The following ZC3H3 variants were observed in gnomAD, a reference collection of about 807,000 sequenced individuals.
ZC3H3 encodes the protein zinc finger CCCH-type containing 3.
Under a neutral mutation model 77.3 loss-of-function variants are expected in ZC3H3, and 36 were observed. That is an observed-to-expected ratio of 0.47 (90% CI 0.36 to 0.61). The LOEUF is 0.61. Among genes scored for constraint, ZC3H3 ranks in the 20% least tolerant of loss-of-function variants. The probability of loss-of-function intolerance (pLI) is 0.00; values close to 1 mark genes in which losing one functional copy is unlikely to be tolerated. For missense variants in ZC3H3, 1,331 were observed against 1,312.2 expected (o/e 1.01, Z -0.22); for synonymous variants, 626 against 555.2 (o/e 1.13, Z -1.79).
At chr8:143,479,253 G>A (rs1025377400) in intron 4 of ZC3H3, among the ~76,000 whole-genome samples, 1 of 152,228 alleles carries the variant, frequency 6.6e-6, no homozygotes, top group Non-Finnish European at 1.5e-5. Flanking sequence ...AGGGTGCTGG[G>A]AGGGCATGGG....
intron 4 of ZC3H3, 113 bp downstream of exon 4, chr8:143,507,633 T>C: frequency 7.8e-7 from 1 of 1,284,492 alleles, no homozygotes; most frequent in East Asian, 2.9e-5. Context: ...CACCAAGCAG[T>C]TCTGGGATGT....
intron 4 of ZC3H3, among the ~76,000 whole-genome samples, chr8:143,497,845 C>T (rs544431763): frequency 6.6e-6 from 1 of 152,346 alleles, no homozygotes; most frequent in South Asian, 2.1e-4. Flanking sequence ...CAGGTCTCTG[C>T]ACTCGAACAC....
chr8:143,459,010 A>G (rs1820190634), intron 9 of ZC3H3, among the ~76,000 whole-genome samples: 1 of 152,234 alleles, frequency 6.6e-6, no homozygotes, highest in African/African-American at 2.4e-5. Context: ...AGAAAAGCAC[A>G]GGACCAGACG....
At chr8:143,444,527 T>C (rs1308781052) in intron 9 of ZC3H3, among the ~76,000 whole-genome samples, 2 of 152,196 alleles carry the variant, frequency 1.3e-5, no homozygotes, top group Non-Finnish European at 2.9e-5. Context: ...AAGGACCAAG[T>C]TAGATTTATC....
At chr8:143,499,985 G>C (rs777446583) in intron 4 of ZC3H3, among the ~76,000 whole-genome samples, 1 of 152,022 alleles carries the variant, frequency 6.6e-6, no homozygotes, top group Non-Finnish European at 1.5e-5. Context: ...CCCCCCACCA[G>C]AGCAGCGGCC....
chr8:143,484,746 G>A (rs1454417518), intron 4 of ZC3H3: 1 of 340,294 alleles, frequency 2.9e-6, no homozygotes, highest in Non-Finnish European at 5.8e-6. Context: ...GCTACTGAGG[G>A]GCAGGCTGGC....
chr8:143,486,985 G>A (rs13265748), intron 4 of ZC3H3, among the ~76,000 whole-genome samples: 356 of 7,048 alleles, frequency 0.051, 44 homozygotes, highest in African/African-American at 0.13. Context: ...CCGCTACACG[G>A]CCCCATCACC....
Position 143,468,539 on chromosome 8 carries a change from G to A in ZC3H3, c.1948C>T (p.Arg650Trp), listed in dbSNP as rs745982366. ...AGSCSRSLAS[R>W]AVQRSLAIIR... ...ATGGCCAGGCTGCGCTGCACTGCCCGGCTGCAGACGGGGAGAGAGGTGCGT... is the reference window on the plus strand; with the variant it reads ...ATGGCCAGGCTGCGCTGCACTGCCCAGCTGCAGACGGGGAGAGAGGTGCGT... The change falls in exon 7 of 12, where the codon CGG (arginine) becomes TGG (tryptophan). Residue 650 changes from arginine (R) to tryptophan (W), a missense_variant and splice_region_variant. Transcript: ENST00000262577. 1.2e-5 allele frequency: 19 copies of A among 1,606,564 alleles called. No individual in the cohort carries two copies. The South Asian group carries it at 1.7e-4, about 14-fold the overall frequency.
Position 143,536,335 on chromosome 8 carries a change from T to TG in ZC3H3, c.1482dup (p.Asn495GlnfsTer131), listed in dbSNP as rs1185043484. 6.2e-7 allele frequency: 1 copy of TG among 1,610,990 alleles called. No individual in the cohort carries two copies. Among genetic ancestry groups the TG allele is most frequent in the South Asian group, 1.1e-5 (1 of 90,352 alleles). On this transcript the variant is annotated frameshift_variant, in exon 3 of 12. Coordinates refer to ENST00000262577, the MANE Select transcript of ZC3H3 (RefSeq NM_015117.3). LOFTEE classifies it high-confidence loss of function. The stretch of plus-strand genomic sequence containing the variant: ...GTGGTGACCTGTACCAGGCCCTTGT[T>TG]GGGGGTCTTCTTCAGGACAGGGCTG...
In ZC3H3 at chr8:143,468,180, G is replaced by A. The variant is rs74631744; in HGVS notation, c.2175+29C>T. 8,400 of 1,600,270 alleles carry A rather than the reference G, an allele frequency of 5.2e-3. 307 individuals carry two copies. In the African/African-American group the frequency reaches 0.09, roughly 17 times the overall value. ...GCTGAGGCCCCGGAGAAAGGTGCAC[G>A]GGAGCAGGGCCACCAGCGCCGCACT... On this transcript the variant is annotated intron_variant, in intron 8 of 11. Coordinates refer to ENST00000262577, the MANE Select transcript of ZC3H3 (RefSeq NM_015117.3).
chr8:143,459,427 A>T (rs540364132), intron 9 of ZC3H3, among the ~76,000 whole-genome samples: 105 of 152,156 alleles, frequency 6.9e-4, no homozygotes, highest in African/African-American at 2.2e-3. Flanking sequence ...CGCGTGCCTG[A>T]AATCCCAGCT....
At chr8:143,476,967 T>C (rs1202537314) in intron 4 of ZC3H3, among the ~76,000 whole-genome samples, 1 of 152,204 alleles carries the variant, frequency 6.6e-6, no homozygotes, top group Non-Finnish European at 1.5e-5. Context: ...CTCGCTTGTC[T>C]GGCTGGATGG....
chr8:143,536,191 A>G, intron 3 of ZC3H3, 66 bp downstream of exon 3: 1 of 1,528,248 alleles, frequency 6.5e-7, no homozygotes, highest in Non-Finnish European at 8.8e-7. Context: ...CATGGCTCCT[A>G]ACACGCCAGC....
Position 143,500,977 on chromosome 8 carries a change from C to CTTT in ZC3H3, c.1715+6766_1715+6768dup, listed in dbSNP as rs36081285. Reference sequence around the variant, plus strand: ...ACAAGTGCCTGCTACCATGCCCGACCTTTTTTTTTTTTTTTTTTAAGTAGA... The same window carrying CTTT: ...ACAAGTGCCTGCTACCATGCCCGACCTTTTTTTTTTTTTTTTTTTTTAAGTAGA... On this transcript the variant is annotated intron_variant, in intron 4 of 11. Coordinates refer to ENST00000262577, the MANE Select transcript of ZC3H3 (RefSeq NM_015117.3). Among the ~76,000 whole-genome samples, 323 of 134,116 alleles carry CTTT rather than the reference C, an allele frequency of 2.4e-3. 3 individuals are homozygous for CTTT. The highest frequency in any genetic ancestry group is 8.4e-3 in the African/African-American group (305 of 36,234). 88.0% of individuals were successfully genotyped at this position (134,116 alleles called of 152,430 possible).
chr8:143,505,825 G>A (rs554474699), intron 4 of ZC3H3, among the ~76,000 whole-genome samples: 1 of 152,332 alleles, frequency 6.6e-6, no homozygotes, highest in African/African-American at 2.4e-5. Context: ...TTCTGGTGCT[G>A]GGGCCCTTGA....
chr8:143,465,755 T>G lies in ZC3H3; in HGVS notation c.2269A>C (p.Ser757Arg). 6 of 1,613,956 alleles carry G rather than the reference T, an allele frequency of 3.7e-6. No individual in the cohort carries two copies. Among genetic ancestry groups the G allele is most frequent in the Non-Finnish European group, 5.1e-6 (6 of 1,180,008 alleles). Reference sequence around the variant, plus strand: ...GGGCAGTAGCCTTTGAGGAAGTCGCTGCAGACCTCGGCCTTGCGGGACACG... The same window carrying G: ...GGGCAGTAGCCTTTGAGGAAGTCGCGGCAGACCTCGGCCTTGCGGGACACG... Reference protein sequence around the residue: ...VYVSRKAEVCSDFLKGYCPLG... With the variant: ...VYVSRKAEVCRDFLKGYCPLG... Residue 757 changes from serine to arginine, a missense_variant, in exon 9 of 12, where the codon AGC becomes CGC. Physicochemically the swap from Ser to Arg is moderately radical, Grantham distance 110. Coordinates refer to ENST00000262577, the MANE Select transcript of ZC3H3 (RefSeq NM_015117.3).
intron 4 of ZC3H3, among the ~76,000 whole-genome samples, chr8:143,479,425 C>A (rs931614107): frequency 3.3e-5 from 5 of 152,200 alleles, no homozygotes; most frequent in Admixed American, 6.5e-5. Flanking sequence ...CGTCTGCCCT[C>A]ACGGAAGGCT....
At position 143,475,422 on chromosome 8, in the gene ZC3H3, C is replaced by T. The variant is rs761357715; in HGVS notation, c.1879G>A (p.Gly627Ser). The T allele has an allele frequency of 2.5e-6, 4 of 1,613,010 alleles. No individual in the cohort carries two copies. The Admixed American group carries it at 5.0e-5, about 20-fold the overall frequency. ...CCTGTGCGCAGGAGGGGCCTGCTGC[C>T]CGCATCACTGGGCTGGCCGGAGGTC... is the stretch of plus-strand genomic sequence containing the variant. ...SKTSGQPSDA[G>S]SRPLLRTGRL... Residue 627 changes from glycine (G) to serine (S), a missense_variant, in exon 5 of 12, where the codon GGC becomes AGC. Physicochemically the swap from Gly to Ser is moderately conservative, Grantham distance 56. Around this residue, in one of 3 missense-constraint regions of ZC3H3, gnomAD observed 978 missense variants for 915.5 expected, o/e 1.07. Coordinates refer to ENST00000262577, the MANE Select transcript of ZC3H3 (RefSeq NM_015117.3).
At position 143,538,638 on chromosome 8, in the gene ZC3H3, C is replaced by T. The variant is rs1822892230; in HGVS notation, c.729G>A (p.Leu243=). 1 of 1,608,934 alleles carries T rather than the reference C, an allele frequency of 6.2e-7. No homozygotes were observed. Among genetic ancestry groups the T allele is most frequent in the African/African-American group, 1.3e-5 (1 of 75,074 alleles). ...SALPPRTGVA[L]GRKLGSHSVA... is the part of the protein sequence containing the mutation. Reference sequence around the variant, plus strand: ...CGGAATGAGAACCCAGCTTCCGGCCCAGGGCCACGCCAGTGCGTGGGGGCA... The same window carrying T: ...CGGAATGAGAACCCAGCTTCCGGCCTAGGGCCACGCCAGTGCGTGGGGGCA... The change falls in exon 2 of 12, where the codon CTG becomes CTA. Residue 243 remains leucine, a synonymous_variant. Transcript: ENST00000262577.
Sources: gnomAD v4.1 joint callset for allele counts (sites outside exome capture counted in the v4.1 genomes callset) on GRCh38, gnomAD v4.1.1 for gene constraint, gnomAD v4.1.1 regional missense constraint, MANE v1.5 for transcripts, NCBI Gene and HGNC (gene_info 2026-07-23, HGNC 2026-07-21) for gene names.